Variants in CRACD observed in about 807,000 individuals in gnomAD.
The protein encoded by CRACD is capping protein-inhibiting regulator of actin dynamics.
A neutral mutation model predicts 106.8 loss-of-function variants in CRACD; 56 were observed. That is an observed-to-expected ratio of 0.52 (90% CI 0.42 to 0.66). The LOEUF is 0.66. Among genes scored for constraint, CRACD ranks in the 30% least tolerant of loss-of-function variants. The probability of loss-of-function intolerance (pLI) is 0.00; values close to 1 mark genes in which losing one functional copy is unlikely to be tolerated. For synonymous variants in CRACD, 754 were observed against 670.8 expected (o/e 1.12, Z -1.92); for missense variants, 1,730 against 1,623.2 (o/e 1.07, Z -1.13).
rs754519347 is a variant in CRACD, at chr4:56,314,806, G to C, written c.1304G>C (p.Arg435Pro). Residue 435 changes from arginine to proline, a missense_variant, in exon 8 of 11, where the codon CGC (arginine) becomes CCC (proline). Coordinates refer to ENST00000682029, the MANE Select transcript of CRACD (RefSeq NM_001393381.1). The surrounding 1 kb of genome is among the most constrained non-coding windows in gnomAD (Gnocchi z 4.4). Reference sequence around the variant, plus strand: ...GAGGAGAGGCTCGAAGACCAGGAACGCCTGAAACCCGAAGGACAAAGAGAA... The same window carrying C: ...GAGGAGAGGCTCGAAGACCAGGAACCCCTGAAACCCGAAGGACAAAGAGAA... ...DFEERLEDQE[R>P]LKPEGQREHS... The C allele has an allele frequency of 8.1e-6, 13 of 1,606,124 alleles. No individual in the cohort carries two copies. The South Asian group carries it at 1.2e-4, about 15-fold the overall frequency.
At chr4:56,307,289 G>C (rs1312874105) in intron 4 of CRACD, among the ~76,000 whole-genome samples, 1 of 152,098 alleles carries the variant, frequency 6.6e-6, no homozygotes, top group African/African-American at 2.4e-5. Flanking sequence ...CTCCATGAAA[G>C]AGGTGGCTGG....
chr4:56,208,156 G>A lies in CRACD; in HGVS notation c.-189+28726G>A, dbSNP rs1466538026. ...ATGATCTTTGGAAAAAGCTGTTCAT[G>A]TCTGGGATGCCATCTGCTTCTGGGG... is the stretch of plus-strand genomic sequence containing the variant. On this transcript the variant is annotated intron_variant, in intron 2 of 10. Coordinates refer to ENST00000682029, the MANE Select transcript of CRACD (RefSeq NM_001393381.1). Among the ~76,000 whole-genome samples, 5 of 152,014 alleles carry A rather than the reference G, an allele frequency of 3.3e-5. No homozygotes were observed. The East Asian group carries it at 9.7e-4, about 29-fold the overall frequency.
chr4:56,323,508 C>T lies in CRACD; in HGVS notation c.3319C>T (p.Arg1107Trp), dbSNP rs1746239063. The change falls in exon 9 of 11, where the codon CGG becomes TGG. Residue 1107 changes from arginine (R) to tryptophan (W), a missense_variant. Physicochemically the swap from Arg to Trp is moderately radical, Grantham distance 101. Coordinates refer to ENST00000682029, the MANE Select transcript of CRACD (RefSeq NM_001393381.1). ...GGGGTTTCGGGAGCAGCAGGCGACG[C>T]GGGAGGAGAGAAAGCAAGCCAGAGA... ...QKGFREQQATREERKQAREAK... is the reference protein window; with the variant it reads ...QKGFREQQATWEERKQAREAK... 1.1e-5 allele frequency: 17 copies of T among 1,606,748 alleles called. No individual in the cohort carries two copies. Among genetic ancestry groups the T allele is most frequent in the Non-Finnish European group, 1.4e-5 (16 of 1,178,022 alleles).
At chr4:56,202,632 G>A (rs1230035554) in intron 2 of CRACD, among the ~76,000 whole-genome samples, 2 of 152,142 alleles carry the variant, frequency 1.3e-5, no homozygotes, top group Non-Finnish European at 2.9e-5. Flanking sequence ...AGAAGTCTTT[G>A]AGGAACAAAC....
chr4:56,272,898 CAAA>C (rs11434095), intron 3 of CRACD, among the ~76,000 whole-genome samples: 7 of 124,952 alleles, frequency 5.6e-5, no homozygotes, highest in Admixed American at 8.2e-5. Flanking sequence ...GACTCTGCCT[CAAA>C]AAAAAAAAAA....
intron 2 of CRACD, among the ~76,000 whole-genome samples, chr4:56,221,053 C>A (rs909139950): frequency 2.2e-4 from 33 of 152,066 alleles, no homozygotes; most frequent in African/African-American, 7.2e-4. Flanking sequence ...GTAAGCCAAA[C>A]CCCTGGAAAG....
intron 1 of CRACD, among the ~76,000 whole-genome samples, chr4:56,104,655 G>T (rs1733884774): frequency 6.6e-6 from 1 of 152,206 alleles, no homozygotes; most frequent in Non-Finnish European, 1.5e-5. Context: ...AAGCAGGGAT[G>T]CTGGACAGAA....
In CRACD at chr4:56,298,253, T is replaced by C. The variant is rs1421583103; in HGVS notation, c.24T>C (p.His8=). The part of the protein sequence containing the change: MGTRAFS[H]DSIFIPDGGA... ...CTATGGGAACCCGGGCATTTTCCCA[T>C]GACAGTATTTTTATCCCTGATGGGG... The change falls in exon 4 of 11, where the codon CAT becomes CAC. Residue 8 remains histidine (H), a synonymous_variant. Coordinates refer to ENST00000682029, the MANE Select transcript of CRACD (RefSeq NM_001393381.1). The C allele has an allele frequency of 6.2e-7, 1 of 1,614,144 alleles. No individual in the cohort carries two copies. Among genetic ancestry groups the C allele is most frequent in the Non-Finnish European group, 8.5e-7 (1 of 1,179,992 alleles).
intron 3 of CRACD, among the ~76,000 whole-genome samples, chr4:56,277,252 T>C (rs1330984650): frequency 6.6e-6 from 1 of 152,120 alleles, no homozygotes; most frequent in Non-Finnish European, 1.5e-5. Flanking sequence ...AAAAAACTAG[T>C]AGCCTGAATC....
At position 56,298,107 on chromosome 4, in the gene CRACD, T is replaced by C. The variant is rs1002584082; in HGVS notation, c.-16-107T>C. The C allele has an allele frequency of 3.2e-6, 4 of 1,263,820 alleles. No individual in the cohort carries two copies. In the African/African-American group the frequency reaches 6.0e-5, roughly 19 times the overall value. 78.3% of individuals were successfully genotyped at this position (1,263,820 alleles called of 1,614,324 possible). ...CACAATGCTGAAAGTGCTTGCCGAA[T>C]GAGACTGGGAATGTGGGTGGAGTCC... On this transcript the variant is annotated intron_variant, in intron 3 of 10. Coordinates refer to ENST00000682029, the MANE Select transcript of CRACD (RefSeq NM_001393381.1).
chr4:56,205,425 G>A (rs960745803), intron 2 of CRACD, among the ~76,000 whole-genome samples: 1 of 151,992 alleles, frequency 6.6e-6, no homozygotes, highest in African/African-American at 2.4e-5. Flanking sequence ...GAGACCACTG[G>A]GATATACCTT....
chr4:56,297,509 T>A (rs1744120055), intron 3 of CRACD, among the ~76,000 whole-genome samples: 1 of 152,060 alleles, frequency 6.6e-6, no homozygotes, highest in African/African-American at 2.4e-5. Flanking sequence ...AGCCCAGGAG[T>A]TTGAGGCTAC....
At chr4:56,106,967 A>ATATT (rs1733965898) in intron 1 of CRACD, among the ~76,000 whole-genome samples, 2 of 152,066 alleles carry the variant, frequency 1.3e-5, no homozygotes, top group Non-Finnish European at 2.9e-5. Context: ...AGTGAACATA[A>ATATT]TATTTATTTA....
chr4:56,118,336 G>A (rs572739759), intron 1 of CRACD, among the ~76,000 whole-genome samples: 4 of 152,240 alleles, frequency 2.6e-5, no homozygotes, highest in Admixed American at 1.3e-4. Context: ...ACACTTACTG[G>A]TACTATACTT....
chr4:56,295,398 T>G (rs1343079098), intron 3 of CRACD, among the ~76,000 whole-genome samples: 1 of 152,000 alleles, frequency 6.6e-6, no homozygotes, highest in Admixed American at 6.6e-5. Context: ...TTACTACTAC[T>G]GCTATTATTA....
At position 56,307,603 on chromosome 4, in the gene CRACD, C is replaced by T. The variant is rs1744819115; in HGVS notation, c.189C>T (p.Asn63=). The change falls in exon 5 of 11, where the codon AAC becomes AAT. Residue 63 remains asparagine, a synonymous_variant. Transcript: ENST00000682029. The stretch of plus-strand genomic sequence containing the variant: ...ATGCCATTCCCATGAATAAGGCAAA[C>T]AGTGGAGAGGCTAGCTTAGAAGAGG... ...SPNAIPMNKA[N]SGEASLEEDL... is the part of the protein sequence containing the mutation. The T allele has an allele frequency of 6.2e-7, 1 of 1,614,202 alleles. No homozygotes were observed. Among genetic ancestry groups the T allele is most frequent in the Middle Eastern group, 1.7e-4 (1 of 6,052 alleles).
chr4:56,301,113 C>T (rs890013831), intron 4 of CRACD: 5 of 606,514 alleles, frequency 8.2e-6, no homozygotes, highest in African/African-American at 7.8e-5. Context: ...AGGCTTTGTT[C>T]ATTCTTTGAG....
At chr4:56,107,583 T>A (rs1410823283) in intron 1 of CRACD, among the ~76,000 whole-genome samples, 1 of 152,178 alleles carries the variant, frequency 6.6e-6, no homozygotes, top group Non-Finnish European at 1.5e-5. Flanking sequence ...CCACTGGCAG[T>A]CCCATTGGTC....
chr4:56,113,490 T>C (rs891329363), intron 1 of CRACD, among the ~76,000 whole-genome samples: 3 of 152,200 alleles, frequency 2.0e-5, no homozygotes, highest in Non-Finnish European at 4.4e-5. Context: ...AAGGATTCCA[T>C]TGGAGGCCAT....
Sources: gnomAD v4.1 joint callset for allele counts (sites outside exome capture counted in the v4.1 genomes callset) on GRCh38, gnomAD v4.1.1 for gene constraint, Gnocchi (gnomAD v3.1) non-coding constraint, MANE v1.5 for transcripts, NCBI Gene and HGNC (gene_info 2026-07-23, HGNC 2026-07-21) for gene names.